TMEM87A: variants seen among roughly 807,000 people sequenced by gnomAD.
The protein encoded by TMEM87A is Golgi-pH regulating cation channel.
Under a neutral mutation model 90.0 loss-of-function variants are expected in TMEM87A, and 50 were observed. That is an observed-to-expected ratio of 0.56 (90% CI 0.44 to 0.70). The LOEUF (loss-of-function observed/expected upper bound fraction) is 0.70, where lower values mean the gene tolerates loss of function less well. Ranked by LOEUF, TMEM87A falls within the 30% of genes least tolerant of loss-of-function variation. The probability of loss-of-function intolerance (pLI) is 0.00; values close to 1 mark genes in which losing one functional copy is unlikely to be tolerated. For synonymous variants in TMEM87A, 226 were observed against 226.7 expected (o/e 1.00, Z 0.03); for missense variants, 577 against 660.5 (o/e 0.87, Z 1.39).
In TMEM87A at chr15:42,219,691, C is replaced by T. The variant is rs570739071; in HGVS notation, c.1478-49G>A. 1.4e-5 allele frequency: 18 copies of T among 1,269,872 alleles called. No homozygotes were observed. The East Asian group carries it at 4.2e-4, about 29-fold the overall frequency. 78.7% of individuals were successfully genotyped at this position (1,269,872 alleles called of 1,614,324 possible). On this transcript the variant is annotated intron_variant, in intron 16 of 19. Coordinates refer to ENST00000389834, the MANE Select transcript of TMEM87A (RefSeq NM_015497.5). ...CTGTTTAACTTTGTGAACAGACCAA[C>T]AATGTTGGCAAAACGGATTCAGAAC...
In TMEM87A at chr15:42,211,391, T is replaced by A. The variant is rs1311326709; in HGVS notation, c.*317A>T. 4.2e-6 allele frequency: 1 copy of A among 236,818 alleles called. No individual in the cohort carries two copies. Among genetic ancestry groups the A allele is most frequent in the Non-Finnish European group, 8.2e-6 (1 of 122,300 alleles). The allele number at this position is 236,818 out of a possible 1,614,324, so 14.7% of individuals were successfully genotyped here. ...CGTTAAACTTTTTAGTTTGTCAGATTTAAAAAATGAAACATTACAGAAAGT... is the reference window on the plus strand; with the variant it reads ...CGTTAAACTTTTTAGTTTGTCAGATATAAAAAATGAAACATTACAGAAAGT... On this transcript the variant is annotated 3_prime_UTR_variant, in exon 20 of 20. Coordinates refer to ENST00000389834, the MANE Select transcript of TMEM87A (RefSeq NM_015497.5).
intron 9 of TMEM87A, 140 bp downstream of exon 9, chr15:42,237,292 C>T (rs2050786457): frequency 1.3e-6 from 1 of 775,118 alleles, no homozygotes; most frequent in Non-Finnish European, 1.9e-6. Flanking sequence ...AAGTCAGAGT[C>T]ATAGTGATTC....
chr15:42,217,717 T>C (rs1430158662), intron 19 of TMEM87A, 86 bp downstream of exon 19: 5 of 1,376,520 alleles, frequency 3.6e-6, no homozygotes, highest in Non-Finnish European at 5.1e-6. Context: ...CTGAGTCAAA[T>C]AAAGAGAATC....
chr15:42,260,969 C>T lies in TMEM87A; in HGVS notation c.493G>A (p.Gly165Arg). The T allele has an allele frequency of 6.2e-7, 1 of 1,608,594 alleles. No homozygotes were observed. The highest frequency in any genetic ancestry group is 8.5e-7 in the Non-Finnish European group (1 of 1,177,750). ...KENGTNLTFI[G>R]DKTAMHEPLQ... ...CCAAATATACTTACGGTTTTGTCTC[C>T]AATAAAGGTAAGGTTTGTTCCATTC... Residue 165 changes from glycine to arginine, a missense_variant, in exon 6 of 20, where the codon GGA (glycine) becomes AGA (arginine). By Grantham distance (125) the Gly-to-Arg change is moderately radical (BLOSUM62 -2). Coordinates refer to ENST00000389834, the MANE Select transcript of TMEM87A (RefSeq NM_015497.5).
chr15:42,253,147 C>T (rs886658695), intron 6 of TMEM87A, among the ~76,000 whole-genome samples: 6 of 152,202 alleles, frequency 3.9e-5, no homozygotes, highest in Non-Finnish European at 8.8e-5. Context: ...TGCACCCTGG[C>T]GCAATCCTTC....
At chr15:42,224,644 C>CA (rs1222416776) in intron 15 of TMEM87A, 1 of 152,172 alleles carries the variant, frequency 6.6e-6, no homozygotes, top group Admixed American at 6.5e-5. Context: ...TGACACACCT[C>CA]AAACTGGAAA....
At chr15:42,227,469 C>A in intron 14 of TMEM87A, 2 of 407,134 alleles carry the variant, frequency 4.9e-6, no homozygotes, top group South Asian at 3.3e-5. Context: ...GTAGTTATAA[C>A]TTACAAAATT....
intron 7 of TMEM87A, among the ~76,000 whole-genome samples, chr15:42,243,672 A>G (rs2050916385): frequency 6.6e-6 from 1 of 151,884 alleles, no homozygotes; most frequent in Non-Finnish European, 1.5e-5. Context: ...GGCATGTGCC[A>G]CCACACCGAG....
Position 42,211,488 on chromosome 15 carries a change from T to C in TMEM87A, c.*220A>G. 4.2e-6 allele frequency: 2 copies of C among 480,564 alleles called. No homozygotes were observed. Among genetic ancestry groups the C allele is most frequent in the Non-Finnish European group, 7.4e-6 (2 of 269,714 alleles). 29.8% of individuals were successfully genotyped at this position (480,564 alleles called of 1,614,324 possible). A position where few individuals can be genotyped will look rare whatever the true frequency, so the allele number is the denominator to read the frequency against. On this transcript the variant is annotated 3_prime_UTR_variant, in exon 20 of 20. Coordinates refer to ENST00000389834, the MANE Select transcript of TMEM87A (RefSeq NM_015497.5). Reference sequence around the variant, plus strand: ...GGGAGGAAAGGGGGCAGCAGTGTTGTAAATAAGAAGCTCGTAGATTTTTCT... The same window carrying C: ...GGGAGGAAAGGGGGCAGCAGTGTTGCAAATAAGAAGCTCGTAGATTTTTCT...
At chr15:42,228,454 C>T (rs2050633649) in intron 13 of TMEM87A, among the ~76,000 whole-genome samples, 2 of 152,038 alleles carry the variant, frequency 1.3e-5, no homozygotes, top group South Asian at 4.1e-4. Context: ...AAAAAGAATG[C>T]CTCAAGAAAG....
At chr15:42,233,442 G>GA (rs1005385189) in intron 10 of TMEM87A, 136 bp from the exon 11 acceptor site, 13 of 617,870 alleles carry the variant, frequency 2.1e-5, no homozygotes, top group African/African-American at 1.9e-4. Flanking sequence ...TCACCTAAGA[G>GA]AAAAAAACTA....
At chr15:42,233,489 C>T (rs755783810) in intron 10 of TMEM87A, among the ~76,000 whole-genome samples, 183 bp from the exon 11 acceptor site, 5 of 152,132 alleles carry the variant, frequency 3.3e-5, no homozygotes, top group Non-Finnish European at 5.9e-5. Flanking sequence ...GGGAACACTA[C>T]AACTTGAGAT....
chr15:42,231,671 G>A (rs1000328008), intron 11 of TMEM87A, among the ~76,000 whole-genome samples: 2 of 151,972 alleles, frequency 1.3e-5, no homozygotes, highest in African/African-American at 4.8e-5. Context: ...CATATACAAA[G>A]AATTATTAAT....
chr15:42,273,555 G>A (rs559472323), upstream of TMEM87A: 5 of 1,318,630 alleles, frequency 3.8e-6, no homozygotes, highest in East Asian at 1.0e-4. Context: ...TCAGACAGTC[G>A]TCTGTGCGCC....
intron 6 of TMEM87A, among the ~76,000 whole-genome samples, chr15:42,246,913 G>T (rs1280626553): frequency 6.6e-6 from 1 of 152,192 alleles, no homozygotes; most frequent in African/African-American, 2.4e-5. Flanking sequence ...CCCACCAACA[G>T]TGTAAAAGTG....
At chr15:42,259,661 T>C (rs1046541101) in intron 6 of TMEM87A, among the ~76,000 whole-genome samples, 2 of 152,302 alleles carry the variant, frequency 1.3e-5, no homozygotes, top group Non-Finnish European at 2.9e-5. Flanking sequence ...ATAGGAATTT[T>C]GGAAAGCTCC....
rs773230888 is a variant in TMEM87A, at chr15:42,233,260, G to A, written c.1015C>T (p.Leu339Phe). 8.1e-6 allele frequency: 13 copies of A among 1,614,016 alleles called. No homozygotes were observed. The highest frequency in any genetic ancestry group is 1.1e-5 in the Non-Finnish European group (13 of 1,179,994). The part of the protein sequence containing the change: ...TLHKVVVAGA[L>F]YLLFSGMEGV... ...TCCATGCCAGAGAACAAAAGATAGA[G>A]GGCTCCTGCTACTACAACCTTATGA... The change falls in exon 11 of 20, where the codon CTC (leucine) becomes TTC (phenylalanine). Residue 339 changes from leucine to phenylalanine, a missense_variant. Physicochemically the swap from Leu to Phe is conservative, Grantham distance 22. Coordinates refer to ENST00000389834, the MANE Select transcript of TMEM87A (RefSeq NM_015497.5).
At chr15:42,259,312 G>C (rs140243727) in intron 6 of TMEM87A, among the ~76,000 whole-genome samples, 11 of 152,158 alleles carry the variant, frequency 7.2e-5, no homozygotes, top group African/African-American at 2.7e-4. Context: ...TGGTAGAGAC[G>C]GGGTTTCACC....
intron 8 of TMEM87A, 145 bp downstream of exon 8, chr15:42,239,525 A>G (rs1224878149): frequency 9.9e-6 from 7 of 706,740 alleles, no homozygotes; most frequent in East Asian, 5.0e-5. Flanking sequence ...TCCCAGTCTA[A>G]TAAGAAATAA....
Sources: gnomAD v4.1 joint callset for allele counts (sites outside exome capture counted in the v4.1 genomes callset) on GRCh38, gnomAD v4.1.1 for gene constraint, MANE v1.5 for transcripts, NCBI Gene and HGNC (gene_info 2026-07-23, HGNC 2026-07-21) for gene names.